FOXP1: variants seen among roughly 807,000 people sequenced by gnomAD.
FOXP1 encodes the protein forkhead box P1.
FOXP1 carries 15 observed loss-of-function variants against 98.2 expected under a neutral mutation model. The observed-to-expected ratio is 0.15, with a 90% CI of 0.10 to 0.24. The LOEUF is 0.24. Ranked by LOEUF, FOXP1 falls within the 10% of genes least tolerant of loss-of-function variation. FOXP1 has a pLI of 1.00. For synonymous variants in FOXP1, 371 were observed against 314.5 expected, an observed-to-expected ratio of 1.18 and a Z score of -1.90; for missense variants, 633 against 848.5, an observed-to-expected ratio of 0.75 and a Z score of 3.15.
chr3:71,334,898 A>G (rs2076575730), intron 4 of FOXP1: 1 of 152,216 alleles, frequency 6.6e-6, no homozygotes, highest in East Asian at 1.9e-4. Flanking sequence ...CAATAGGGTT[A>G]GAGTTAAAAG....
chr3:71,010,308 C>A (rs1251473720), intron 12 of FOXP1, among the ~76,000 whole-genome samples: 1 of 152,152 alleles, frequency 6.6e-6, no homozygotes, highest in Non-Finnish European at 1.5e-5. Flanking sequence ...TGAAGCCAGA[C>A]TGCCTGGGTT....
intron 12 of FOXP1, among the ~76,000 whole-genome samples, chr3:71,005,336 A>AAC: frequency 6.7e-6 from 1 of 149,832 alleles, no homozygotes. Context: ...AAAAAAAAAA[A>AAC]AAAAACCAGA....
intron 11 of FOXP1, among the ~76,000 whole-genome samples, chr3:71,021,845 C>A (rs1017617051): frequency 6.6e-6 from 1 of 152,130 alleles, no homozygotes; most frequent in Non-Finnish European, 1.5e-5. Context: ...CTATTACGAG[C>A]CTTTGCCTAT....
At chr3:71,183,770 G>A (rs1164874962) in intron 6 of FOXP1, among the ~76,000 whole-genome samples, 5 of 152,168 alleles carry the variant, frequency 3.3e-5, no homozygotes, top group Non-Finnish European at 7.3e-5. Context: ...GCAAAGAAGA[G>A]CTAGAAATAG....
intron 7 of FOXP1, among the ~76,000 whole-genome samples, chr3:71,072,958 G>A (rs1027410539): frequency 1.3e-5 from 2 of 152,190 alleles, no homozygotes; most frequent in East Asian, 1.9e-4. Flanking sequence ...ATAAAGTCTT[G>A]AGAAAATGCG....
At chr3:71,048,586 T>C (rs1357991357) in intron 9 of FOXP1, among the ~76,000 whole-genome samples, 1 of 152,192 alleles carries the variant, frequency 6.6e-6, no homozygotes, top group Admixed American at 6.5e-5. Context: ...TGTTTTCATT[T>C]TAAGAACAGC....
In FOXP1 at chr3:70,978,033, C is replaced by T; in HGVS notation, c.1147-4G>A. ...TGACACTTGATACCAGATTCAACTG[C>T]AAGGAAAAAAACAACGTCTTAGAAG... On this transcript the variant is annotated splice_polypyrimidine_tract_variant and splice_region_variant and intron_variant, in intron 14 of 20. Transcript: ENST00000649528. 1 of 1,613,458 alleles carries T rather than the reference C, an allele frequency of 6.2e-7. No individual in the cohort carries two copies. The highest frequency in any genetic ancestry group is 1.1e-5 in the South Asian group (1 of 91,064).
chr3:71,102,095 C>T (rs1390287026), intron 7 of FOXP1, among the ~76,000 whole-genome samples: 1 of 152,110 alleles, frequency 6.6e-6, no homozygotes, highest in Non-Finnish European at 1.5e-5. Flanking sequence ...CTCAAACAAT[C>T]CCAACAGCAA....
chr3:71,220,100 C>T (rs62245554), intron 5 of FOXP1, among the ~76,000 whole-genome samples: 9,414 of 152,296 alleles, frequency 0.062, 490 homozygotes, highest in East Asian at 0.26. Flanking sequence ...AAGTTTTATA[C>T]TAAACTCTTG....
At chr3:71,174,469 G>A (rs1004391955) in intron 6 of FOXP1, among the ~76,000 whole-genome samples, 4 of 151,994 alleles carry the variant, frequency 2.6e-5, no homozygotes, top group Non-Finnish European at 4.4e-5. Flanking sequence ...AGACATACAT[G>A]TACATAGTAA....
intron 3 of FOXP1, among the ~76,000 whole-genome samples, chr3:71,429,013 A>G (rs1212244557): frequency 6.6e-6 from 1 of 152,248 alleles, no homozygotes; most frequent in Non-Finnish European, 1.5e-5. Context: ...ACATGCAGAC[A>G]GTAGTCGGCT....
chr3:71,240,446 G>A (rs1276338594), intron 5 of FOXP1, among the ~76,000 whole-genome samples: 1 of 152,242 alleles, frequency 6.6e-6, no homozygotes, highest in East Asian at 1.9e-4. Context: ...TCTTACAGAA[G>A]TGGATGAAAT....
intron 5 of FOXP1, among the ~76,000 whole-genome samples, chr3:71,270,695 ATCT>A (rs1395055401): frequency 8.5e-5 from 13 of 152,222 alleles, no homozygotes; most frequent in Non-Finnish European, 1.9e-4. Context: ...GTTGATCTTA[ATCT>A]TCTTACAGGA....
At chr3:71,314,802 T>C (rs2074959806) in intron 4 of FOXP1, among the ~76,000 whole-genome samples, 1 of 151,666 alleles carries the variant, frequency 6.6e-6, no homozygotes, top group African/African-American at 2.4e-5. Context: ...AAAAAGACTT[T>C]GGGGAGATGT....
At chr3:71,054,853 CAT>C (rs1223837609) in intron 7 of FOXP1, among the ~76,000 whole-genome samples, 1 of 152,096 alleles carries the variant, frequency 6.6e-6, no homozygotes, top group Non-Finnish European at 1.5e-5. Flanking sequence ...TCTAATCAAA[CAT>C]GTGACAGCAA....
intron 2 of FOXP1, among the ~76,000 whole-genome samples, chr3:71,501,232 A>G (rs1446469858): frequency 6.6e-6 from 1 of 151,734 alleles, no homozygotes; most frequent in South Asian, 2.1e-4. Context: ...CACCTTTCTC[A>G]GGTATTTTAC....
intron 7 of FOXP1, among the ~76,000 whole-genome samples, chr3:71,095,595 C>T (rs1431215966): frequency 3.3e-5 from 5 of 151,952 alleles, no homozygotes; most frequent in African/African-American, 9.7e-5. Flanking sequence ...CAGAAGAAAG[C>T]TCCTAGATCA....
chr3:71,235,455 T>C (rs987999057), intron 5 of FOXP1, among the ~76,000 whole-genome samples: 5 of 152,246 alleles, frequency 3.3e-5, no homozygotes, highest in Non-Finnish European at 7.3e-5. Flanking sequence ...ATGACATTTC[T>C]TACCTGCCTT....
At chr3:71,003,740 T>A (rs1262680745) in intron 12 of FOXP1, among the ~76,000 whole-genome samples, 4 of 152,340 alleles carry the variant, frequency 2.6e-5, no homozygotes, top group South Asian at 4.1e-4. Context: ...CATGAATTAC[T>A]GTTTGAAAAT....
Sources: gnomAD v4.1 joint callset for allele counts (sites outside exome capture counted in the v4.1 genomes callset) on GRCh38, gnomAD v4.1.1 for gene constraint, MANE v1.5 for transcripts, NCBI Gene and HGNC (gene_info 2026-07-23, HGNC 2026-07-21) for gene names.